The following PLEKHA3 variants were observed in gnomAD, a reference collection of about 807,000 sequenced individuals.
PLEKHA3 encodes pleckstrin homology domain-containing family A member 3.
In PLEKHA3, 19 loss-of-function variants were observed where a neutral mutation model predicts 39.2. The observed-to-expected ratio is 0.48, with a 90% confidence interval of 0.34 to 0.71. The LOEUF (loss-of-function observed/expected upper bound fraction) is 0.71. Ranked by LOEUF, PLEKHA3 falls within the 30% of genes least tolerant of loss-of-function variation. The probability of loss-of-function intolerance (pLI) is 0.01; values close to 1 mark genes in which losing one functional copy is unlikely to be tolerated. For missense variants in PLEKHA3, 253 were observed against 359.5 expected (o/e 0.70, Z 2.40); for synonymous variants, 97 against 118.6 (o/e 0.82, Z 1.18).
chr2:178,506,193 C>A lies in PLEKHA3; in HGVS notation c.*2306C>A, dbSNP rs545309543. 4.0e-5 allele frequency: 6 copies of A among 151,568 alleles called. No individual in the cohort carries two copies. Among genetic ancestry groups the A allele is most frequent in the African/African-American group, 1.2e-4 (5 of 41,296 alleles). The allele number at this position is 151,568 out of a possible 1,614,324, so 9.4% of individuals were successfully genotyped here. A position where few individuals can be genotyped will look rare whatever the true frequency, so the allele number is the denominator to read the frequency against. On this transcript the variant is annotated 3_prime_UTR_variant, in exon 8 of 8. Transcript: ENST00000234453. ...GGTTATTATTAGTTATTAGTAGTCC[C>A]TTTTTTTTGCTTTGTCTAGGTCATG...
At chr2:178,498,085 T>C (rs945282379) in intron 5 of PLEKHA3, among the ~76,000 whole-genome samples, 1 of 152,210 alleles carries the variant, frequency 6.6e-6, no homozygotes, top group Non-Finnish European at 1.5e-5. Context: ...ATAAGCACTT[T>C]ATATAGTTAA....
intron 5 of PLEKHA3, among the ~76,000 whole-genome samples, chr2:178,496,299 T>A (rs1685445502): frequency 6.6e-6 from 1 of 152,212 alleles, no homozygotes. Context: ...CTTTCTGAGC[T>A]AATAAATTTG....
chr2:178,480,816 C>G lies in PLEKHA3; in HGVS notation c.-54C>G. ...GCTGCCCCAGGCCCTGCGCCTACCCCATCACCGCGGCCGGCGCCGGGCCGG... is the reference window on the plus strand; with the variant it reads ...GCTGCCCCAGGCCCTGCGCCTACCCGATCACCGCGGCCGGCGCCGGGCCGG... On this transcript the variant is annotated 5_prime_UTR_variant, in exon 1 of 8. Transcript: ENST00000234453. 1 of 1,308,994 alleles carries G rather than the reference C, an allele frequency of 7.6e-7. No homozygotes were observed. Among genetic ancestry groups the G allele is most frequent in the Non-Finnish European group, 9.8e-7 (1 of 1,018,040 alleles). 81.1% of individuals were successfully genotyped at this position (1,308,994 alleles called of 1,614,324 possible). A position where few individuals can be genotyped will look rare whatever the true frequency, so the allele number is the denominator to read the frequency against.
chr2:178,499,132 T>G, intron 5 of PLEKHA3, 79 bp from the exon 6 acceptor site: 1 of 1,344,540 alleles, frequency 7.4e-7, no homozygotes. Context: ...TTTATTATGA[T>G]AATAGTAAAT....
In PLEKHA3 at chr2:178,483,336, G is replaced by T. The variant is rs974534667; in HGVS notation, c.41-2305G>T. The stretch of plus-strand genomic sequence containing the variant: ...AACATTTTGTAGTTTGAGATAAAAA[G>T]AATTAAAAAAAAAAAAGAATTTTAA... On this transcript the variant is annotated intron_variant, in intron 1 of 7. Transcript: ENST00000234453. Among the ~76,000 whole-genome samples the T allele has an allele frequency of 2.8e-5, 4 of 142,804 alleles. No individual in the cohort carries two copies. The South Asian group carries it at 8.9e-4, about 32-fold the overall frequency. 93.7% of individuals were successfully genotyped at this position (142,804 alleles called of 152,430 possible). A position where few individuals can be genotyped will look rare whatever the true frequency, so the allele number is the denominator to read the frequency against.
chr2:178,488,556 G>A (rs1024650963), intron 2 of PLEKHA3, among the ~76,000 whole-genome samples: 1 of 152,210 alleles, frequency 6.6e-6, no homozygotes, highest in South Asian at 2.1e-4. Flanking sequence ...ATTCTGTTCT[G>A]TGGCCCTGTT....
intron 2 of PLEKHA3, chr2:178,489,049 C>A: frequency 2.4e-6 from 1 of 414,592 alleles, no homozygotes; most frequent in Admixed American, 3.5e-5. Flanking sequence ...ATTTTAGTTT[C>A]ATCTTGTAGC....
chr2:178,512,448 G>A lies in PLEKHA3; in HGVS notation c.*8561G>A, dbSNP rs1165064153. 6.6e-6 allele frequency: 1 copy of A among 152,188 alleles called. No homozygotes were observed. Among genetic ancestry groups the A allele is most frequent in the Non-Finnish European group, 1.5e-5 (1 of 68,040 alleles). 9.4% of individuals were successfully genotyped at this position (152,188 alleles called of 1,614,324 possible). A position where few individuals can be genotyped will look rare whatever the true frequency, so the allele number is the denominator to read the frequency against. On this transcript the variant is annotated 3_prime_UTR_variant, in exon 8 of 8. Coordinates refer to ENST00000234453, the MANE Select transcript of PLEKHA3 (RefSeq NM_019091.4). ...TTCTTCACTTTTACTCTGGCAAGGTGGGAGGAGGGTGCTGTTGATAATCTC... is the reference window on the plus strand; with the variant it reads ...TTCTTCACTTTTACTCTGGCAAGGTAGGAGGAGGGTGCTGTTGATAATCTC...
At chr2:178,482,986 G>A (rs938086739) in intron 1 of PLEKHA3, among the ~76,000 whole-genome samples, 1 of 152,128 alleles carries the variant, frequency 6.6e-6, no homozygotes, top group Non-Finnish European at 1.5e-5. Flanking sequence ...GTTCAGGCAC[G>A]GTGGCTCATG....
chr2:178,514,182 A>G lies in PLEKHA3; in HGVS notation c.*10295A>G, dbSNP rs58187781. The G allele has an allele frequency of 3.1e-3, 465 of 148,284 alleles. 3 individuals carry two copies. The highest frequency in any genetic ancestry group is 0.011 in the African/African-American group (433 of 40,418). The allele number at this position is 148,284 out of a possible 1,614,324, so 9.2% of individuals were successfully genotyped here. The stretch of plus-strand genomic sequence containing the variant: ...CTGTGGTTTACCATCATGACCATGG[A>G]TAGCAAACTGCCTTTTTTTTTTTTT... On this transcript the variant is annotated 3_prime_UTR_variant, in exon 8 of 8. Transcript: ENST00000234453.
In PLEKHA3 at chr2:178,485,801, C is replaced by G. The variant is rs1013144232; in HGVS notation, c.157+44C>G. ...TTAGAGGAATTGGAGGTTAGATAGT[C>G]AAGGGTTCTTCAGCATACTCCAGAC... On this transcript the variant is annotated intron_variant, in intron 2 of 7. Transcript: ENST00000234453. The G allele has an allele frequency of 2.1e-6, 3 of 1,438,732 alleles. No individual in the cohort carries two copies. The Admixed American group carries it at 5.0e-5, about 24-fold the overall frequency. 89.1% of individuals were successfully genotyped at this position (1,438,732 alleles called of 1,614,324 possible).
rs1685718730 is a variant in PLEKHA3 at position 178,513,608 on chromosome 2, A to G, written c.*9721A>G. 1 of 152,144 alleles carries G rather than the reference A, an allele frequency of 6.6e-6. No homozygotes were observed. Among genetic ancestry groups the G allele is most frequent in the Non-Finnish European group, 1.5e-5 (1 of 68,026 alleles). 9.4% of individuals were successfully genotyped at this position (152,144 alleles called of 1,614,324 possible). ...TGTCTCTATCTGTGCATGCATCTGT[A>G]TGCACAGTTTCTTAGTTGTGGACAA... is the stretch of plus-strand genomic sequence containing the variant. On this transcript the variant is annotated 3_prime_UTR_variant, in exon 8 of 8. Transcript: ENST00000234453.
At chr2:178,486,482 T>C (rs572237349) in intron 2 of PLEKHA3, among the ~76,000 whole-genome samples, 31 of 152,366 alleles carry the variant, frequency 2.0e-4, no homozygotes, top group African/African-American at 7.0e-4. Flanking sequence ...TGAATACTTG[T>C]CCTTCATGAA....
chr2:178,497,380 G>A (rs1423147496), intron 5 of PLEKHA3, among the ~76,000 whole-genome samples: 2 of 152,030 alleles, frequency 1.3e-5, no homozygotes, highest in East Asian at 3.9e-4. Context: ...ACAGGCGCCT[G>A]CCACCATGCC....
At position 178,490,937 on chromosome 2, in the gene PLEKHA3, G is replaced by A. The variant is rs983211850; in HGVS notation, c.313+123G>A. The stretch of plus-strand genomic sequence containing the variant: ...GAAATAATTAGAAATGTAGATTTAC[G>A]TATATCTTTATCATAGTAAACATTT... On this transcript the variant is annotated intron_variant, in intron 3 of 7. Coordinates refer to ENST00000234453, the MANE Select transcript of PLEKHA3 (RefSeq NM_019091.4). 5.4e-5 allele frequency: 40 copies of A among 735,308 alleles called. No individual in the cohort carries two copies. In the Admixed American group the frequency reaches 5.6e-4, roughly 10 times the overall value. 45.5% of individuals were successfully genotyped at this position (735,308 alleles called of 1,614,324 possible). A position where few individuals can be genotyped will look rare whatever the true frequency, so the allele number is the denominator to read the frequency against.
At chr2:178,485,104 G>T (rs1685228138) in intron 1 of PLEKHA3, among the ~76,000 whole-genome samples, 1 of 152,218 alleles carries the variant, frequency 6.6e-6, no homozygotes, top group South Asian at 2.1e-4. Context: ...GCACATTGCA[G>T]AATTAGAGGG....
chr2:178,483,552 C>T (rs761729139), intron 1 of PLEKHA3, among the ~76,000 whole-genome samples: 2 of 151,970 alleles, frequency 1.3e-5, no homozygotes, highest in African/African-American at 2.4e-5. Context: ...TCATTTTGCC[C>T]AATATTTGTT....
At chr2:178,501,764 A>G (rs1242659946) in intron 7 of PLEKHA3, among the ~76,000 whole-genome samples, 1 of 151,996 alleles carries the variant, frequency 6.6e-6, no homozygotes, top group Non-Finnish European at 1.5e-5. Flanking sequence ...CAGAATATCT[A>G]GTAAGATAGT....
chr2:178,496,282 C>T (rs755589844), intron 5 of PLEKHA3, among the ~76,000 whole-genome samples: 1 of 152,122 alleles, frequency 6.6e-6, no homozygotes, highest in East Asian at 1.9e-4. Flanking sequence ...GTGGCAGATT[C>T]GTTGTCCTTT....
Sources: gnomAD v4.1 joint callset for allele counts (sites outside exome capture counted in the v4.1 genomes callset) on GRCh38, gnomAD v4.1.1 for gene constraint, MANE v1.5 for transcripts, NCBI Gene and HGNC (gene_info 2026-07-23, HGNC 2026-07-21) for gene names.